Variants in DCC observed in about 807,000 individuals in gnomAD.
DCC encodes the protein DCC netrin 1 receptor, also known as netrin receptor DCC.
In DCC, 58 loss-of-function variants were observed where a neutral mutation model predicts 172.5. The ratio of observed to expected loss-of-function variants is 0.34; its 90% CI spans 0.27 to 0.42. The LOEUF (loss-of-function observed/expected upper bound fraction) is 0.42. Ranked by LOEUF, DCC falls within the 10% of genes least tolerant of loss-of-function variation. The pLI is 1.00. For synonymous variants in DCC, 709 were observed against 644.5 expected, an observed-to-expected ratio of 1.10 and a Z score of -1.52; for missense variants, 1,740 against 1,791.0, an observed-to-expected ratio of 0.97 and a Z score of 0.51.
chr18:53,129,836 T>C (rs2043624727), intron 7 of DCC, among the ~76,000 whole-genome samples: 1 of 152,138 alleles, frequency 6.6e-6, no homozygotes, highest in African/African-American at 2.4e-5. Flanking sequence ...TATGTTTTCA[T>C]TTCTTTTGGG....
chr18:53,223,079 T>C (rs1384473136), intron 12 of DCC, among the ~76,000 whole-genome samples: 1 of 152,116 alleles, frequency 6.6e-6, no homozygotes, highest in Non-Finnish European at 1.5e-5. Flanking sequence ...GAGAACCTTC[T>C]GTGACATCTG....
chr18:52,655,986 GTA>G (rs61544050), intron 1 of DCC, among the ~76,000 whole-genome samples: 22,483 of 136,170 alleles, frequency 0.17, 2,216 homozygotes, highest in Non-Finnish European at 0.22. Flanking sequence ...GTGTGTGTGT[GTA>G]TATATATATG....
intron 1 of DCC, among the ~76,000 whole-genome samples, chr18:52,708,015 A>G (rs956855920): frequency 1.2e-4 from 18 of 152,236 alleles, no homozygotes; most frequent in Non-Finnish European, 1.9e-4. Flanking sequence ...TGTTTTCACC[A>G]CAAAAAATCA....
chr18:53,254,478 T>C (rs906629056), intron 12 of DCC, among the ~76,000 whole-genome samples: 5 of 151,948 alleles, frequency 3.3e-5, no homozygotes, highest in Admixed American at 6.6e-5. Flanking sequence ...AAATGCAAAT[T>C]CAGGGCCCAC....
chr18:53,256,169 T>C (rs1482563492), intron 12 of DCC, among the ~76,000 whole-genome samples: 1 of 152,212 alleles, frequency 6.6e-6, no homozygotes, highest in East Asian at 1.9e-4. Flanking sequence ...AGGTTGCCTG[T>C]TCACTCTGAT....
chr18:53,445,867 A>T (rs979148350), intron 22 of DCC, among the ~76,000 whole-genome samples: 1 of 151,980 alleles, frequency 6.6e-6, no homozygotes, highest in African/African-American at 2.4e-5. Context: ...CTAGGTCTTG[A>T]TTACTCAGGC....
At chr18:52,943,307 T>C (rs989155655) in intron 5 of DCC, among the ~76,000 whole-genome samples, 3 of 152,184 alleles carry the variant, frequency 2.0e-5, no homozygotes, top group Admixed American at 1.3e-4. Flanking sequence ...GCCAGGTACA[T>C]TTTCTTTATG....
intron 14 of DCC, among the ~76,000 whole-genome samples, chr18:53,328,367 T>A (rs1305210541): frequency 1.3e-5 from 2 of 152,172 alleles, no homozygotes; most frequent in Non-Finnish European, 2.9e-5. Context: ...CATGCCTTGG[T>A]TTTTCTCATG....
intron 5 of DCC, among the ~76,000 whole-genome samples, chr18:52,980,106 GGA>G (rs2041184894): frequency 6.6e-6 from 1 of 152,120 alleles, no homozygotes; most frequent in African/African-American, 2.4e-5. Context: ...GAGGTTGGGA[GGA>G]GAGTGATGCT....
chr18:52,776,945 G>C (rs2037445586), intron 2 of DCC, among the ~76,000 whole-genome samples: 1 of 152,152 alleles, frequency 6.6e-6, no homozygotes, highest in Non-Finnish European at 1.5e-5. Flanking sequence ...TCCAAGAGGA[G>C]AAGGTCCTTG....
At chr18:52,611,698 A>G (rs2144841147) in intron 1 of DCC, among the ~76,000 whole-genome samples, 1 of 152,308 alleles carries the variant, frequency 6.6e-6, no homozygotes, top group South Asian at 2.1e-4. Context: ...TAACTGCTTG[A>G]TTTTAGAAAA....
intron 2 of DCC, among the ~76,000 whole-genome samples, chr18:52,832,307 G>A (rs2038629875): frequency 6.6e-6 from 1 of 152,128 alleles, no homozygotes. Flanking sequence ...GCGAAGCCTG[G>A]TGCCATGGGT....
rs143638245 is a variant in DCC, at chr18:52,705,257, T to C, written c.92-46797T>C. On this transcript the variant is annotated intron_variant, in intron 1 of 28. Transcript: ENST00000442544. ...GTCTCCTAATATGATTCCTAAAAATTCCTGGTTTTCAGATGGGTTAATTAA... is the reference window on the plus strand; with the variant it reads ...GTCTCCTAATATGATTCCTAAAAATCCCTGGTTTTCAGATGGGTTAATTAA... Among the ~76,000 whole-genome samples the C allele has an allele frequency of 3.2e-3, 486 of 152,264 alleles. 2 individuals carry two copies. Among genetic ancestry groups the C allele is most frequent in the Middle Eastern group, 0.01 (3 of 294 alleles).
intron 1 of DCC, among the ~76,000 whole-genome samples, chr18:52,724,032 A>C (rs1226934121): frequency 1.3e-5 from 2 of 152,242 alleles, no homozygotes; most frequent in Admixed American, 1.3e-4. Context: ...GAAGAGGCAG[A>C]AAGGGGCAAT....
At chr18:52,850,284 G>T (rs925729404) in intron 2 of DCC, among the ~76,000 whole-genome samples, 2 of 152,126 alleles carry the variant, frequency 1.3e-5, no homozygotes, top group African/African-American at 2.4e-5. Context: ...GAAGCACATC[G>T]TTTGTGTATA....
At chr18:52,588,605 G>A (rs2033729227) in intron 1 of DCC, among the ~76,000 whole-genome samples, 1 of 152,202 alleles carries the variant, frequency 6.6e-6, no homozygotes, top group Admixed American at 6.5e-5. Context: ...AGGTACATAT[G>A]AGAAGGGAAC....
intron 9 of DCC, among the ~76,000 whole-genome samples, chr18:53,192,037 C>A (rs886714994): frequency 3.3e-5 from 5 of 152,200 alleles, no homozygotes; most frequent in African/African-American, 1.2e-4. Context: ...TAATAAACTT[C>A]TTATCTTTTG....
intron 1 of DCC, among the ~76,000 whole-genome samples, chr18:52,641,824 A>C (rs1311478821): frequency 6.6e-6 from 1 of 152,048 alleles, no homozygotes; most frequent in Non-Finnish European, 1.5e-5. Context: ...TTAAAGAACT[A>C]AAAGTAGAAC....
At chr18:52,747,387 T>C (rs562637634) in intron 1 of DCC, among the ~76,000 whole-genome samples, 1 of 152,336 alleles carries the variant, frequency 6.6e-6, no homozygotes, top group African/African-American at 2.4e-5. Flanking sequence ...CAAAATAAAC[T>C]TCTCCATTAG....
Sources: gnomAD v4.1 joint callset for allele counts (sites outside exome capture counted in the v4.1 genomes callset) on GRCh38, gnomAD v4.1.1 for gene constraint, MANE v1.5 for transcripts, NCBI Gene and HGNC (gene_info 2026-07-23, HGNC 2026-07-21) for gene names.